NOL10: variants seen among roughly 807,000 people sequenced by gnomAD.
The protein encoded by NOL10 is H_NH0074G24.1.
Under a neutral mutation model 103.5 loss-of-function variants are expected in NOL10, and 58 were observed. The observed-to-expected ratio is 0.56, with a 90% CI of 0.45 to 0.70. NOL10 has a LOEUF of 0.70. NOL10 is among the 30% of genes least tolerant of loss of function. The pLI, the probability that NOL10 is intolerant of heterozygous loss-of-function variation, is 0.00. For synonymous variants in NOL10, 287 were observed against 282.5 expected (o/e 1.02, Z -0.16); for missense variants, 763 against 807.3 (o/e 0.95, Z 0.67).
rs1553298216 is a variant in NOL10 at position 10,596,268 on chromosome 2, G to GGGGGGGGGGGGGGGGA, written c.1422+4584_1422+4585insTCCCCCCCCCCCCCCC. ...CCACAGATGGTGGTGGGGGGCGGGGGGCGGGCGCGAGGGAGTTTTGGGATG... is the reference window on the plus strand; with the variant it reads ...CCACAGATGGTGGTGGGGGGCGGGGGGGGGGGGGGGGGGGGAGCGGGCGCGAGGGAGTTTTGGGATG... On this transcript the variant is annotated intron_variant, in intron 17 of 20. Coordinates refer to ENST00000381685, the MANE Select transcript of NOL10 (RefSeq NM_024894.4). 9.8e-5 allele frequency among the ~76,000 whole-genome samples: 8 copies of GGGGGGGGGGGGGGGGA among 81,432 alleles called. 1 individual carries two copies. Among genetic ancestry groups the GGGGGGGGGGGGGGGGA allele is most frequent in the Admixed American group, 1.5e-4 (1 of 6,538 alleles). 53.4% of individuals were successfully genotyped at this position (81,432 alleles called of 152,430 possible).
intron 19 of NOL10, among the ~76,000 whole-genome samples, chr2:10,585,395 C>T (rs1674973626): frequency 1.3e-5 from 2 of 152,266 alleles, no homozygotes; most frequent in South Asian, 4.1e-4. Flanking sequence ...TCTGAAAAGG[C>T]TAAACATAGA....
In NOL10 at chr2:10,599,042, T is replaced by C. The variant is rs145546271; in HGVS notation, c.1422+1811A>G. Among the ~76,000 whole-genome samples the C allele has an allele frequency of 1.5e-3, 230 of 151,754 alleles. 4 individuals are homozygous for C. The Middle Eastern group carries it at 0.02, about 13-fold the overall frequency. ...CCTGCACTATGGGGTATTCTAAATC[T>C]TCTCTGGCTGCCCTCAACCTCAGCA... On this transcript the variant is annotated intron_variant, in intron 17 of 20. Transcript: ENST00000381685.
chr2:10,640,505 G>GT (rs1316475414), intron 13 of NOL10, among the ~76,000 whole-genome samples: 2 of 152,176 alleles, frequency 1.3e-5, no homozygotes, highest in East Asian at 1.9e-4. Flanking sequence ...CTCTCTGGAT[G>GT]TTTTTTTCAC....
intron 1 of NOL10, among the ~76,000 whole-genome samples, chr2:10,687,677 G>A (rs1352856276): frequency 6.6e-6 from 1 of 152,076 alleles, no homozygotes; most frequent in Admixed American, 6.6e-5. Context: ...AAAAACCTTG[G>A]GCCGGGTGCA....
intron 13 of NOL10, among the ~76,000 whole-genome samples, chr2:10,642,237 G>C (rs1455630059): frequency 1.3e-5 from 2 of 152,112 alleles, no homozygotes; most frequent in Non-Finnish European, 2.9e-5. Flanking sequence ...CATGCCACCA[G>C]GCAATTCAAG....
At chr2:10,668,614 CT>C in intron 7 of NOL10, 43 bp downstream of exon 7, 1 of 1,058,162 alleles carries the variant, frequency 9.5e-7, no homozygotes, top group Non-Finnish European at 1.4e-6. Context: ...CTGGCTCCAC[CT>C]CCTGGTCAAA....
chr2:10,582,049 G>A (rs377439105), intron 19 of NOL10, among the ~76,000 whole-genome samples: 2 of 152,288 alleles, frequency 1.3e-5, no homozygotes, highest in African/African-American at 4.8e-5. Context: ...TACTGAGGAC[G>A]TATTCCTTGA....
rs1675114045 is a variant in NOL10, at chr2:10,587,142, T to TATATATACAC, written c.1844+1900_1844+1901insGTGTATATAT. On this transcript the variant is annotated intron_variant, in intron 19 of 20. Transcript: ENST00000381685. ...ATACATATATATACATATATACACA[T>TATATATACAC]ATATATACATATATACACATATATA... Among the ~76,000 whole-genome samples, 2 of 40,340 alleles carry TATATATACAC rather than the reference T, an allele frequency of 5.0e-5. 1 individual carries two copies. The highest frequency in any genetic ancestry group is 9.4e-5 in the Non-Finnish European group (2 of 21,248). 26.5% of individuals were successfully genotyped at this position (40,340 alleles called of 152,430 possible). A position where few individuals can be genotyped will look rare whatever the true frequency, so the allele number is the denominator to read the frequency against.
chr2:10,594,236 C>T (rs1321906017), intron 17 of NOL10, among the ~76,000 whole-genome samples: 1 of 152,200 alleles, frequency 6.6e-6, no homozygotes, highest in Non-Finnish European at 1.5e-5. Context: ...CCCCTAGCAA[C>T]TTCCCGAGGA....
intron 1 of NOL10, 23 bp downstream of exon 1, chr2:10,689,773 G>A: frequency 6.3e-7 from 1 of 1,590,884 alleles, no homozygotes; most frequent in African/African-American, 1.3e-5. Context: ...GCTCGAGAGT[G>A]AGGGGGCCGG....
chr2:10,653,884 C>T (rs977908616), intron 12 of NOL10, among the ~76,000 whole-genome samples: 11 of 152,170 alleles, frequency 7.2e-5, no homozygotes, highest in African/African-American at 2.2e-4. Flanking sequence ...GGAGTTCTCA[C>T]GCTCTGCCTT....
intron 13 of NOL10, among the ~76,000 whole-genome samples, chr2:10,621,032 G>A (rs1427800532): frequency 6.6e-6 from 1 of 152,160 alleles, no homozygotes; most frequent in African/African-American, 2.4e-5. Context: ...GAGCTCAAAA[G>A]ATCCACCTGC....
At chr2:10,611,978 G>C (rs1371857819) in intron 13 of NOL10, among the ~76,000 whole-genome samples, 3 of 151,932 alleles carry the variant, frequency 2.0e-5, no homozygotes, top group African/African-American at 7.2e-5. Context: ...AATTAGCTGG[G>C]CATGATGGCA....
intron 18 of NOL10, 97 bp from the exon 19 acceptor site, chr2:10,589,387 A>G: frequency 6.7e-7 from 1 of 1,491,510 alleles, no homozygotes; most frequent in Non-Finnish European, 9.0e-7. Flanking sequence ...ATGAGTGCCT[A>G]ACAGCTGCTC....
At position 10,577,639 on chromosome 2, in the gene NOL10, C is replaced by T. The variant is rs778670486; in HGVS notation, c.1944G>A (p.Lys648=). 3.1e-6 allele frequency: 5 copies of T among 1,605,658 alleles called. No individual in the cohort carries two copies. The highest frequency in any genetic ancestry group is 1.7e-4 in the Middle Eastern group (1 of 6,046). The change falls in exon 20 of 21, where the codon AAG becomes AAA. Residue 648 remains lysine, a synonymous_variant. Coordinates refer to ENST00000381685, the MANE Select transcript of NOL10 (RefSeq NM_024894.4). ...ATAACAATAAAAGACAACTCACCCT[C>T]TTTAACGTGAATGTCAATTGTTTGC... The part of the protein sequence containing the change: ...VGSKQLTFTL[K]RSEQQKKQQE...
chr2:10,607,092 T>A (rs143278109), intron 14 of NOL10, 93 bp downstream of exon 14: 3 of 772,346 alleles, frequency 3.9e-6, no homozygotes, highest in Non-Finnish European at 5.7e-6. Flanking sequence ...GGAGATGAGG[T>A]AAACATGGCT....
intron 19 of NOL10, among the ~76,000 whole-genome samples, chr2:10,583,740 G>A (rs898267936): frequency 2.2e-4 from 33 of 152,092 alleles, no homozygotes; most frequent in African/African-American, 8.0e-4. Context: ...CCACCCCATC[G>A]TTCAGGCCTG....
At chr2:10,633,539 T>C (rs1279766960) in intron 13 of NOL10, among the ~76,000 whole-genome samples, 1 of 151,954 alleles carries the variant, frequency 6.6e-6, no homozygotes, top group East Asian at 1.9e-4. Context: ...CCATAAGTTA[T>C]TCCCCATTTA....
At chr2:10,680,078 C>A (rs991407286) in intron 3 of NOL10, among the ~76,000 whole-genome samples, 2 of 151,866 alleles carry the variant, frequency 1.3e-5, no homozygotes, top group African/African-American at 4.8e-5. Context: ...AGTTCGAGAC[C>A]AGCCTGGCCA....
Sources: allele counts gnomAD v4.1 joint callset (sites outside exome capture counted in the v4.1 genomes callset), GRCh38; gene constraint gnomAD v4.1.1; transcripts MANE v1.5; gene names NCBI Gene and HGNC (gene_info 2026-07-23, HGNC 2026-07-21).